Variants in PLD5 observed in about 807,000 individuals in gnomAD.
The protein encoded by PLD5 is phospholipase D family member 5.
Under a neutral mutation model 61.1 loss-of-function variants are expected in PLD5, and 36 were observed. That is an observed-to-expected ratio of 0.59 (90% confidence interval 0.45 to 0.78). PLD5 has a LOEUF of 0.78. Ranked by LOEUF, PLD5 falls within the 30% of genes least tolerant of loss-of-function variation. The probability of loss-of-function intolerance (pLI) is 0.00; values close to 1 mark genes in which losing one functional copy is unlikely to be tolerated. For synonymous variants in PLD5, 243 were observed against 242.8 expected, an observed-to-expected ratio of 1.00 and a Z score of -0.01; for missense variants, 515 against 644.4, an observed-to-expected ratio of 0.80 and a Z score of 2.17.
chr1:242,409,106 A>G (rs1222991624), intron 1 of PLD5, among the ~76,000 whole-genome samples: 1 of 151,772 alleles, frequency 6.6e-6, no homozygotes, highest in Non-Finnish European at 1.5e-5. Flanking sequence ...GAAAAACAAG[A>G]AGCACCTTTC....
chr1:242,372,608 A>G (rs879418188), intron 1 of PLD5, among the ~76,000 whole-genome samples: 3 of 152,154 alleles, frequency 2.0e-5, no homozygotes, highest in South Asian at 2.1e-4. Flanking sequence ...TAGACCAATC[A>G]AACAGAACAG....
chr1:242,340,141 T>G (rs1363044276), intron 2 of PLD5, among the ~76,000 whole-genome samples: 3 of 152,218 alleles, frequency 2.0e-5, no homozygotes, highest in Non-Finnish European at 4.4e-5. Flanking sequence ...GTTTTTGTCT[T>G]TATTCTACTT....
chr1:242,092,601 A>T (rs1046720851), intron 9 of PLD5, among the ~76,000 whole-genome samples: 7 of 152,096 alleles, frequency 4.6e-5, no homozygotes, highest in Non-Finnish European at 1.0e-4. Flanking sequence ...CTTTAGGTGG[A>T]GATATTGGCC....
In PLD5 at chr1:242,288,474, A is replaced by C. The variant is rs368839048; in HGVS notation, c.383T>G (p.Phe128Cys). ...CCAGCCTTGGAAAAGTGATAAGTGA[A>C]ATGGTGCATTTTCTGAATAGTTAAG... ...EGLNYSENAP[F>C]HLSLFQGWMN... The change falls in exon 3 of 10, where the codon TTT (phenylalanine) becomes TGT (cysteine). Residue 128 changes from phenylalanine to cysteine, a missense_variant. This residue lies in a region of PLD5 where 450 missense variants were observed against 598.1 expected (regional missense o/e 0.75). Coordinates refer to ENST00000536534, the MANE Select transcript of PLD5 (RefSeq NM_001372062.1). 7 of 1,611,470 alleles carry C rather than the reference A, an allele frequency of 4.3e-6. No homozygotes were observed. Among genetic ancestry groups the C allele is most frequent in the Non-Finnish European group, 5.9e-6 (7 of 1,179,240 alleles).
chr1:242,187,320 T>C (rs981814245), intron 5 of PLD5, among the ~76,000 whole-genome samples: 1 of 152,142 alleles, frequency 6.6e-6, no homozygotes, highest in Non-Finnish European at 1.5e-5. Context: ...GCAACCAACA[T>C]GAGGATAAAG....
At chr1:242,453,488 A>C (rs962837603) in intron 1 of PLD5, among the ~76,000 whole-genome samples, 1 of 152,222 alleles carries the variant, frequency 6.6e-6, no homozygotes, top group Non-Finnish European at 1.5e-5. Context: ...TACCCTTAGA[A>C]GATCTTTGAA....
intron 9 of PLD5, among the ~76,000 whole-genome samples, chr1:242,090,935 T>C (rs758929049): frequency 7.9e-5 from 12 of 152,084 alleles, no homozygotes; most frequent in Non-Finnish European, 1.3e-4. Context: ...AATTTTTAAA[T>C]AGAGATGGGG....
intron 6 of PLD5, among the ~76,000 whole-genome samples, chr1:242,120,226 A>G (rs1662259078): frequency 6.6e-6 from 1 of 152,210 alleles, no homozygotes; most frequent in South Asian, 2.1e-4. Flanking sequence ...GGTGAAAAAA[A>G]GTTCTAAAAT....
At chr1:242,164,803 C>T (rs1666180733) in intron 5 of PLD5, among the ~76,000 whole-genome samples, 1 of 152,156 alleles carries the variant, frequency 6.6e-6, no homozygotes, top group African/African-American at 2.4e-5. Context: ...TTGCTTAGCA[C>T]TTCTATACTT....
At chr1:242,198,123 A>G (rs936592952) in intron 5 of PLD5, among the ~76,000 whole-genome samples, 1 of 151,362 alleles carries the variant, frequency 6.6e-6, no homozygotes, top group Non-Finnish European at 1.5e-5. Context: ...AATGGAAATA[A>G]TAGGGAAATG....
chr1:242,186,171 T>G (rs114002419), intron 5 of PLD5, among the ~76,000 whole-genome samples: 11 of 146,720 alleles, frequency 7.5e-5, no homozygotes, highest in African/African-American at 1.0e-4. Context: ...AAGAGAGATA[T>G]ATATATATAT....
At chr1:242,424,122 G>A (rs1194698629) in intron 1 of PLD5, among the ~76,000 whole-genome samples, 1 of 152,188 alleles carries the variant, frequency 6.6e-6, no homozygotes, top group Admixed American at 6.5e-5. Context: ...GTGAAGATAA[G>A]TGTTTGTAAT....
At chr1:242,362,343 T>C (rs1432790642) in intron 1 of PLD5, among the ~76,000 whole-genome samples, 4 of 152,328 alleles carry the variant, frequency 2.6e-5, no homozygotes, top group Non-Finnish European at 4.4e-5. Flanking sequence ...ATCCAAAATC[T>C]GTCTGTTTTA....
chr1:242,108,455 A>G lies in PLD5; in HGVS notation c.1071-616T>C, dbSNP rs567850003. The stretch of plus-strand genomic sequence containing the variant: ...CTCTGAATCCTTAAGCCTTTGCCTT[A>G]ACTTGATCCTGATTTCTTCCCTGAG... On this transcript the variant is annotated intron_variant, in intron 7 of 9. Coordinates refer to ENST00000536534, the MANE Select transcript of PLD5 (RefSeq NM_001372062.1). Among the ~76,000 whole-genome samples, 4 of 152,220 alleles carry G rather than the reference A, an allele frequency of 2.6e-5. No individual in the cohort carries two copies. The South Asian group carries it at 8.3e-4, about 32-fold the overall frequency.
intron 1 of PLD5, among the ~76,000 whole-genome samples, chr1:242,468,474 C>T (rs1360209087): frequency 6.6e-6 from 1 of 152,070 alleles, no homozygotes; most frequent in Non-Finnish European, 1.5e-5. Context: ...ACATTTCACT[C>T]CTCAAATTAA....
intron 2 of PLD5, among the ~76,000 whole-genome samples, chr1:242,298,354 G>A (rs1394860020): frequency 6.6e-6 from 1 of 152,218 alleles, no homozygotes; most frequent in Admixed American, 6.5e-5. Flanking sequence ...AGTTTTAAAA[G>A]TACTTCTGCA....
intron 2 of PLD5, among the ~76,000 whole-genome samples, chr1:242,294,144 T>C (rs1002568065): frequency 2.3e-4 from 35 of 152,214 alleles, no homozygotes; most frequent in African/African-American, 8.0e-4. Flanking sequence ...GCACTATTTC[T>C]GACACCTGAT....
chr1:242,288,589 T>A (rs985279505), intron 2 of PLD5, 59 bp from the exon 3 acceptor site: 6 of 1,548,214 alleles, frequency 3.9e-6, no homozygotes, highest in Non-Finnish European at 4.3e-6. Context: ...AAGCCACAGA[T>A]CTTTATATAT....
intron 1 of PLD5, among the ~76,000 whole-genome samples, chr1:242,386,675 T>TA (rs1425102830): frequency 3.3e-5 from 5 of 152,174 alleles, no homozygotes; most frequent in East Asian, 1.9e-4. Context: ...TAGAACAGGC[T>TA]AAAAAAACAG....
Sources: gnomAD v4.1 joint callset for allele counts (sites outside exome capture counted in the v4.1 genomes callset) on GRCh38, gnomAD v4.1.1 for gene constraint, gnomAD v4.1.1 regional missense constraint, MANE v1.5 for transcripts, NCBI Gene and HGNC (gene_info 2026-07-23, HGNC 2026-07-21) for gene names.